Variants in TARS2 observed in about 807,000 individuals in gnomAD.
The protein encoded by TARS2 is threonine--tRNA ligase, mitochondrial.
In TARS2, 61 loss-of-function variants were observed where a neutral mutation model predicts 94.4. That is an observed-to-expected ratio of 0.65 (90% CI 0.53 to 0.80). TARS2 has a LOEUF of 0.80. TARS2 is among the 30% of genes least tolerant of loss of function. The probability of loss-of-function intolerance (pLI) is 0.00; values close to 1 mark genes in which losing one functional copy is unlikely to be tolerated. For missense variants in TARS2, 704 were observed against 902.5 expected (o/e 0.78, Z 2.82); for synonymous variants, 359 against 353.4 (o/e 1.02, Z -0.18).
chr1:150,506,764 A>G lies in TARS2; in HGVS notation c.2009-152A>G, dbSNP rs916544692. ...AGGACTGGTCATTTAGTATTAGCAG[A>G]CACAGCTGAATACTTCCTTTCTGTG... On this transcript the variant is annotated intron_variant, in intron 17 of 17. Coordinates refer to ENST00000369064, the MANE Select transcript of TARS2 (RefSeq NM_025150.5). 2.6e-5 allele frequency: 27 copies of G among 1,026,416 alleles called. No individual in the cohort carries two copies. The South Asian group carries it at 4.3e-4, about 16-fold the overall frequency. The allele number at this position is 1,026,416 out of a possible 1,614,324, so 63.6% of individuals were successfully genotyped here.
chr1:150,487,422 T>G lies in TARS2; in HGVS notation c.-29T>G. On this transcript the variant is annotated 5_prime_UTR_variant, in exon 1 of 18. Transcript: ENST00000369064. The stretch of plus-strand genomic sequence containing the variant: ...GGAGGAGAAGCGGCGATAATCTGTT[T>G]GAGGATGTAGGCACTGGTGTGAAGG... The G allele has an allele frequency of 6.3e-7, 1 of 1,597,428 alleles. No individual in the cohort carries two copies. Among genetic ancestry groups the G allele is most frequent in the South Asian group, 1.1e-5 (1 of 91,004 alleles).
intron 13 of TARS2, among the ~76,000 whole-genome samples, chr1:150,499,970 A>C (rs115508772): frequency 0.014 from 2,112 of 151,662 alleles, 52 homozygotes; most frequent in African/African-American, 0.049. Flanking sequence ...AACACATGGC[A>C]GACCAATCTG....
In TARS2 at chr1:150,505,613, C is replaced by T. The variant is rs1490146898; in HGVS notation, c.1916C>T (p.Ala639Val). ...AKEAQQSLRA[A>V]GLVSDLDADS... is the part of the protein sequence containing the mutation. ...CAGGCACAGCAGAGCCTGCGGGCTG[C>T]AGGACTGGTCAGTGACCTGGATGCA... Residue 639 changes from alanine (A) to valine (V), a missense_variant, in exon 17 of 18, where the codon GCA becomes GTA. Around this residue, in one of 3 missense-constraint regions of TARS2, gnomAD observed 466 missense variants for 609.5 expected, o/e 0.76. Transcript: ENST00000369064. The T allele has an allele frequency of 1.9e-6, 3 of 1,613,996 alleles. No homozygotes were observed. The highest frequency in any genetic ancestry group is 1.1e-5 in the South Asian group (1 of 91,086).
Position 150,491,399 on chromosome 1 carries a change from T to G in TARS2, c.518T>G (p.Ile173Ser). The change falls in exon 5 of 18, where the codon ATC (isoleucine) becomes AGC (serine). Residue 173 changes from isoleucine to serine, a missense_variant. Ile to Ser is a moderately radical substitution (Grantham distance 142, BLOSUM62 -2). Coordinates refer to ENST00000369064, the MANE Select transcript of TARS2 (RefSeq NM_025150.5). ...ACCAATTCTCCTCTTTCCAGGACAA[T>G]CCGGGGCTCAGAGCTGCCTGTTTTG... ...HDFFLGKERT[I>S]RGSELPVLER... The G allele has an allele frequency of 1.2e-6, 2 of 1,612,702 alleles. No individual in the cohort carries two copies. The highest frequency in any genetic ancestry group is 1.7e-6 in the Non-Finnish European group (2 of 1,180,010).
At chr1:150,506,308 C>T (rs1670198639) in intron 17 of TARS2, among the ~76,000 whole-genome samples, 1 of 152,054 alleles carries the variant, frequency 6.6e-6, no homozygotes, top group Admixed American at 6.5e-5. Context: ...ACATCCTCCT[C>T]AGCAGAGGCC....
intron 7 of TARS2, among the ~76,000 whole-genome samples, chr1:150,495,336 T>C (rs184239942): frequency 2.7e-4 from 41 of 150,560 alleles, no homozygotes; most frequent in Middle Eastern, 3.4e-3. Context: ...CAGATGTATA[T>C]ACACACACAC....
intron 11 of TARS2, 81 bp downstream of exon 11, chr1:150,498,745 T>G (rs1669781660): frequency 6.2e-7 from 1 of 1,608,314 alleles, no homozygotes; most frequent in East Asian, 2.2e-5. Flanking sequence ...CTGATCTTTA[T>G]TTGCCCCCTG....
In TARS2 at chr1:150,502,577, C is replaced by T. The variant is rs118184952; in HGVS notation, c.1618-1758C>T. Among the ~76,000 whole-genome samples the T allele has an allele frequency of 1.0e-2, 1,508 of 151,180 alleles. 62 individuals carry two copies. The highest frequency in any genetic ancestry group is 0.068 in the Admixed American group (1,034 of 15,166). On this transcript the variant is annotated intron_variant, in intron 13 of 17. Transcript: ENST00000369064. ...TTTTTGTATTCCCTTTTTTAGTAGA[C>T]GGCATTTCACCGTGTTGGCCAGGCT...
At chr1:150,495,942 G>A (rs1010373578) in intron 7 of TARS2, among the ~76,000 whole-genome samples, 6 of 150,740 alleles carry the variant, frequency 4.0e-5, no homozygotes, top group East Asian at 2.0e-4. Flanking sequence ...GGATGGTCTC[G>A]ATCTCCTGAC....
At chr1:150,504,456 C>T (rs772926215) in intron 14 of TARS2, 21 bp downstream of exon 14, 58 of 1,612,152 alleles carry the variant, frequency 3.6e-5, no homozygotes, top group Non-Finnish European at 4.8e-5. Flanking sequence ...TTGCCCTATC[C>T]TCTTTTCCCT....
Position 150,489,005 on chromosome 1 carries a change from G to A in TARS2, c.305G>A (p.Gly102Glu), listed in dbSNP as rs1451301464. Reference protein sequence around the residue: ...ADTAVAAQVNGEPYDLERPLE... With the variant: ...ADTAVAAQVNEEPYDLERPLE... ...ACTGCAGTGGCTGCTCAAGTGAATG[G>A]AGAACCTTATGATCTGGAGCGGCCC... The change falls in exon 3 of 18, where the codon GGA becomes GAA. Residue 102 changes from glycine to glutamate, a missense_variant. By Grantham distance (98) the Gly-to-Glu change is moderately conservative. This residue lies in a region of TARS2 where 208 missense variants were observed against 228.5 expected (regional missense o/e 0.91). Coordinates refer to ENST00000369064, the MANE Select transcript of TARS2 (RefSeq NM_025150.5). 1.9e-6 allele frequency: 3 copies of A among 1,614,202 alleles called. No homozygotes were observed. The Admixed American group carries it at 5.0e-5, about 27-fold the overall frequency.
At chr1:150,491,780 G>A in intron 6 of TARS2, 118 bp downstream of exon 6, 2 of 1,132,260 alleles carry the variant, frequency 1.8e-6, no homozygotes, top group Non-Finnish European at 2.6e-6. Context: ...AAAGAAATGG[G>A]AATGGGAATT....
intron 6 of TARS2, 58 bp from the exon 7 acceptor site, chr1:150,492,353 G>C (rs1669434586): frequency 1.9e-6 from 3 of 1,557,840 alleles, no homozygotes; most frequent in South Asian, 2.2e-5. Context: ...CCATGAGAGG[G>C]AGAAAGCTAG....
In TARS2 at chr1:150,498,646, C is replaced by T. The variant is rs1470254633; in HGVS notation, c.1383C>T (p.Ile461=). The change falls in exon 11 of 18, where the codon ATC becomes ATT. Residue 461 remains isoleucine, a synonymous_variant. Coordinates refer to ENST00000369064, the MANE Select transcript of TARS2 (RefSeq NM_025150.5). ...GCTTCCAGCAGGATGACGCTCACAT[C>T]TTCTGTACAACAGATCAGGTGGCCT... The part of the protein sequence containing the change: ...LRCFQQDDAH[I]FCTTDQLEAE... 1.2e-6 allele frequency: 2 copies of T among 1,612,858 alleles called. No homozygotes were observed. The highest frequency in any genetic ancestry group is 1.7e-6 in the Non-Finnish European group (2 of 1,179,662).
chr1:150,505,110 G>A (rs1018811035), intron 16 of TARS2, 132 bp downstream of exon 16: 17 of 823,026 alleles, frequency 2.1e-5, no homozygotes, highest in Non-Finnish European at 2.5e-5. Flanking sequence ...GACTGGGCTC[G>A]AGTGGCTGCT....
intron 7 of TARS2, among the ~76,000 whole-genome samples, chr1:150,493,558 G>A (rs138246866): frequency 0.017 from 2,541 of 151,700 alleles, 58 homozygotes; most frequent in African/African-American, 0.058. Flanking sequence ...GTTCAAGACC[G>A]GCCTGACCAA....
At chr1:150,492,734 T>G (rs1669451193) in intron 7 of TARS2, among the ~76,000 whole-genome samples, 2 of 139,194 alleles carry the variant, frequency 1.4e-5, no homozygotes, top group Non-Finnish European at 3.0e-5. Flanking sequence ...TGCCTGAACC[T>G]GGGAGGCGGA....
chr1:150,498,413 G>C (rs1293983929), intron 10 of TARS2, 89 bp from the exon 11 acceptor site: 2 of 1,472,350 alleles, frequency 1.4e-6, no homozygotes, highest in African/African-American at 2.8e-5. Context: ...AGATGGTGCA[G>C]AGAAAGTAGG....
intron 13 of TARS2, among the ~76,000 whole-genome samples, chr1:150,503,701 GTATA>G (rs1318587153): frequency 2.4e-4 from 34 of 143,006 alleles, no homozygotes; most frequent in African/African-American, 8.6e-4. Context: ...ATATGTGTGT[GTATA>G]TATACACACA....
Sources: allele counts gnomAD v4.1 joint callset (sites outside exome capture counted in the v4.1 genomes callset), GRCh38; gene constraint gnomAD v4.1.1; regional missense constraint gnomAD v4.1.1; transcripts MANE v1.5; gene names NCBI Gene and HGNC (gene_info 2026-07-23, HGNC 2026-07-21).